The following CYP2J2 variants were observed in gnomAD, a reference collection of about 807,000 sequenced individuals.
The protein encoded by CYP2J2 is cytochrome P450 family 2 subfamily J member 2.
CYP2J2 carries 41 observed loss-of-function variants against 48.8 expected under a neutral mutation model. The observed-to-expected ratio is 0.84, with a 90% confidence interval of 0.66 to 1.09. CYP2J2 has a LOEUF of 1.09. Among genes scored for constraint, CYP2J2 ranks in the 50% least tolerant of loss-of-function variants. The pLI is 0.00. For synonymous variants in CYP2J2, 221 were observed against 227.1 expected, an observed-to-expected ratio of 0.97 and a Z score of 0.24; for missense variants, 644 against 617.3, an observed-to-expected ratio of 1.04 and a Z score of -0.46.
chr1:59,935,034 A>ATATATATATATACATATATATATATG, the CYP2J2 span, among the ~76,000 whole-genome samples: 1 of 109,826 alleles, frequency 9.1e-6, no homozygotes, highest in Non-Finnish European at 1.9e-5. Flanking sequence ...ATATATATAT[A>ATATATATATATACATATATATATATG]TATATATATA....
chr1:59,912,603 A>C (rs1175821704), intron 2 of CYP2J2: 1 of 271,188 alleles, frequency 3.7e-6, no homozygotes, highest in Non-Finnish European at 7.0e-6. Context: ...CTAATGAAAA[A>C]ACTGAGGAAC....
At chr1:59,934,792 G>T in the CYP2J2 span, among the ~76,000 whole-genome samples, 3 of 151,358 alleles carry the variant, frequency 2.0e-5, no homozygotes, top group Admixed American at 6.6e-5. Flanking sequence ...ATGAAATATG[G>T]AGTTTCTTTT....
chr1:59,926,062 T>A (rs1339465606), intron 1 of CYP2J2, among the ~76,000 whole-genome samples: 1 of 152,138 alleles, frequency 6.6e-6, no homozygotes, highest in Admixed American at 6.5e-5. Context: ...AAGAACATTT[T>A]AAAATTATTA....
At chr1:59,958,759 C>T in the CYP2J2 span, among the ~76,000 whole-genome samples, 5 of 152,144 alleles carry the variant, frequency 3.3e-5, no homozygotes, top group African/African-American at 7.2e-5. Context: ...ACCTCCTTAC[C>T]GTCAAGAATC....
chr1:59,919,578 T>C (rs746166379), intron 1 of CYP2J2, among the ~76,000 whole-genome samples: 3 of 151,148 alleles, frequency 2.0e-5, no homozygotes, highest in Non-Finnish European at 3.0e-5. Context: ...TTTTATCCAA[T>C]AAAGAAAAAA....
At chr1:59,969,057 T>C in the CYP2J2 span, among the ~76,000 whole-genome samples, 3 of 152,138 alleles carry the variant, frequency 2.0e-5, no homozygotes, top group African/African-American at 7.2e-5. Flanking sequence ...CCTGGTGGGC[T>C]CGTGGTCTTG....
At chr1:59,896,632 C>G (rs1366847709) in intron 8 of CYP2J2, among the ~76,000 whole-genome samples, 1 of 152,076 alleles carries the variant, frequency 6.6e-6, no homozygotes, top group African/African-American at 2.4e-5. Context: ...TCCACCACCC[C>G]CTCCCCTATG....
upstream of CYP2J2, among the ~76,000 whole-genome samples, chr1:59,931,469 C>T (rs1366452308): frequency 6.6e-6 from 1 of 151,922 alleles, no homozygotes; most frequent in Non-Finnish European, 1.5e-5. Context: ...ACATTGTGTA[C>T]ATTTTTTTTA....
In CYP2J2 at chr1:59,922,116, C is replaced by T. The variant is rs11572213; in HGVS notation, c.210+4421G>A. 4.1e-3 allele frequency among the ~76,000 whole-genome samples: 626 copies of T among 152,274 alleles called. 7 individuals carry two copies. Among genetic ancestry groups the T allele is most frequent in the African/African-American group, 0.014 (601 of 41,552 alleles). On this transcript the variant is annotated intron_variant, in intron 1 of 8. Coordinates refer to ENST00000371204, the MANE Select transcript of CYP2J2 (RefSeq NM_000775.4). Reference sequence around the variant, plus strand: ...TATCTTGTGTGTATCTTTTATTTCTCGACCTGCCGATCCACCTGGGAACAA... The same window carrying T: ...TATCTTGTGTGTATCTTTTATTTCTTGACCTGCCGATCCACCTGGGAACAA...
the CYP2J2 span, among the ~76,000 whole-genome samples, chr1:59,960,424 T>C: frequency 1.3e-5 from 2 of 152,188 alleles, no homozygotes; most frequent in Non-Finnish European, 2.9e-5. Flanking sequence ...CAGATGTAGA[T>C]ACACAGGGGA....
Position 59,906,450 on chromosome 1 carries a change from AT to A in CYP2J2, c.1003+1335del, listed in dbSNP as rs145451642. The stretch of plus-strand genomic sequence containing the variant: ...AATGGCTTTGCAAAGCCTAGTTTGG[AT>A]TTTTTTTTTTTTACCTGAAAGCGAA... On this transcript the variant is annotated intron_variant, in intron 6 of 8. Coordinates refer to ENST00000371204, the MANE Select transcript of CYP2J2 (RefSeq NM_000775.4). Among the ~76,000 whole-genome samples, 553 of 145,694 alleles carry A rather than the reference AT, an allele frequency of 3.8e-3. 1 individual carries two copies. Among genetic ancestry groups the A allele is most frequent in the African/African-American group, 6.3e-3 (251 of 40,074 alleles).
At chr1:59,898,123 T>A (rs1384654207) in intron 8 of CYP2J2, among the ~76,000 whole-genome samples, 1 of 152,204 alleles carries the variant, frequency 6.6e-6, no homozygotes, top group Admixed American at 6.5e-5. Context: ...AATTTTCCCC[T>A]CTCCTTGGAT....
At chr1:59,931,933 C>T in the CYP2J2 span, among the ~76,000 whole-genome samples, 5 of 152,214 alleles carry the variant, frequency 3.3e-5, no homozygotes, top group Non-Finnish European at 7.4e-5. Context: ...ACATCTTCTT[C>T]CACAACATAG....
At chr1:59,907,527 T>C (rs1644375179) in intron 6 of CYP2J2, among the ~76,000 whole-genome samples, 1 of 152,248 alleles carries the variant, frequency 6.6e-6, no homozygotes, top group Non-Finnish European at 1.5e-5. Context: ...ACTATCTCAA[T>C]GTCGACTGAC....
In CYP2J2 at chr1:59,911,424, T is replaced by A. The variant is rs552026619; in HGVS notation, c.684+184A>T. Among the ~76,000 whole-genome samples, 7 of 152,324 alleles carry A rather than the reference T, an allele frequency of 4.6e-5. No individual in the cohort carries two copies. In the South Asian group the frequency reaches 1.4e-3, roughly 32 times the overall value. ...GTTAGAAATGGTTTTTGCATATAAA[T>A]ATTCCATATTAGTTAAAAAACTAAA... On this transcript the variant is annotated intron_variant, in intron 4 of 8. Coordinates refer to ENST00000371204, the MANE Select transcript of CYP2J2 (RefSeq NM_000775.4).
intron 2 of CYP2J2, among the ~76,000 whole-genome samples, chr1:59,913,816 T>C (rs955786946): frequency 1.3e-5 from 2 of 152,214 alleles, no homozygotes; most frequent in Non-Finnish European, 2.9e-5. Context: ...AAATATACAG[T>C]GTAAATATAA....
In CYP2J2 at chr1:59,898,006, C is replaced by G. The variant is rs148916074; in HGVS notation, c.1330+2959G>C. On this transcript the variant is annotated intron_variant, in intron 8 of 8. Coordinates refer to ENST00000371204, the MANE Select transcript of CYP2J2 (RefSeq NM_000775.4). ...CTATCTCCTGATCCATTTAAATGGT[C>G]CTCATCCTATCACATCTGCTTTGGG... Among the ~76,000 whole-genome samples, 90 of 152,264 alleles carry G rather than the reference C, an allele frequency of 5.9e-4. 1 individual carries two copies. The highest frequency in any genetic ancestry group is 2.0e-3 in the African/African-American group (85 of 41,536).
At chr1:59,907,264 G>A (rs954440387) in intron 6 of CYP2J2, among the ~76,000 whole-genome samples, 1 of 152,158 alleles carries the variant, frequency 6.6e-6, no homozygotes, top group Non-Finnish European at 1.5e-5. Context: ...AACTGGGCAA[G>A]TAGAGGGAAA....
chr1:59,910,229 C>T (rs1021405217), intron 4 of CYP2J2, among the ~76,000 whole-genome samples: 10 of 152,092 alleles, frequency 6.6e-5, no homozygotes, highest in African/African-American at 2.4e-4. Flanking sequence ...CATCTGAGCA[C>T]TGGTTGAGTG....
Sources: allele counts gnomAD v4.1 joint callset (sites outside exome capture counted in the v4.1 genomes callset), GRCh38; gene constraint gnomAD v4.1.1; transcripts MANE v1.5; gene names NCBI Gene and HGNC (gene_info 2026-07-23, HGNC 2026-07-21).